Variants in ADGRB3 observed in about 807,000 individuals in gnomAD.
The protein encoded by ADGRB3 is adhesion G protein-coupled receptor B3.
ADGRB3 carries 37 observed loss-of-function variants against 193.4 expected under a neutral mutation model. That is an observed-to-expected ratio of 0.19 (90% CI 0.15 to 0.25). The LOEUF is 0.25. Among genes scored for constraint, ADGRB3 ranks in the 10% least tolerant of loss-of-function variants. The probability of loss-of-function intolerance (pLI) is 1.00; values close to 1 mark genes in which losing one functional copy is unlikely to be tolerated. For synonymous variants in ADGRB3, 690 were observed against 644.2 expected (o/e 1.07, Z -1.08); for missense variants, 1,637 against 1,852.9 (o/e 0.88, Z 2.14).
intron 17 of ADGRB3, among the ~76,000 whole-genome samples, chr6:69,221,457 C>T (rs1765891884): frequency 6.6e-6 from 1 of 152,134 alleles, no homozygotes; most frequent in Non-Finnish European, 1.5e-5. Flanking sequence ...AGTAGTCTGG[C>T]AAATGACTGG....
intron 3 of ADGRB3, among the ~76,000 whole-genome samples, chr6:68,710,485 G>C (rs1262596280): frequency 6.6e-6 from 1 of 152,086 alleles, no homozygotes; most frequent in African/African-American, 2.4e-5. Flanking sequence ...CTCTCTCCTG[G>C]CTGCAGATGT....
At chr6:68,662,322 G>A (rs1030715080) in intron 3 of ADGRB3, among the ~76,000 whole-genome samples, 3 of 151,474 alleles carry the variant, frequency 2.0e-5, no homozygotes, top group African/African-American at 7.3e-5. Context: ...TTAATTTTCA[G>A]AGGTAAATTT....
rs150395117 is a variant in ADGRB3 at position 68,923,505 on chromosome 6, T to C, written c.758-7054T>C. Among the ~76,000 whole-genome samples, 957 of 152,208 alleles carry C rather than the reference T, an allele frequency of 6.3e-3. 8 individuals are homozygous for C. Among genetic ancestry groups the C allele is most frequent in the Admixed American group, 0.027 (417 of 15,272 alleles). ...AAATCTTTAACCTTCAATTGTAGGG[T>C]AGCATTTATTTTGTGCTAATAATAT... is the stretch of plus-strand genomic sequence containing the variant. On this transcript the variant is annotated intron_variant, in intron 3 of 31. Transcript: ENST00000370598.
chr6:68,680,698 A>G (rs1190032676), intron 3 of ADGRB3, among the ~76,000 whole-genome samples: 2 of 152,220 alleles, frequency 1.3e-5, no homozygotes, highest in African/African-American at 4.8e-5. Flanking sequence ...TAGTTAGTTC[A>G]TTCTTCCTTT....
At chr6:68,727,193 C>A (rs1024418137) in intron 3 of ADGRB3, among the ~76,000 whole-genome samples, 1 of 151,436 alleles carries the variant, frequency 6.6e-6, no homozygotes, top group Non-Finnish European at 1.5e-5. Context: ...GCAAAGTTTT[C>A]AAAGTATTGA....
At chr6:69,227,597 A>T (rs991550544) in intron 17 of ADGRB3, among the ~76,000 whole-genome samples, 2 of 152,222 alleles carry the variant, frequency 1.3e-5, no homozygotes, top group Non-Finnish European at 2.9e-5. Context: ...ATTAGGCAGA[A>T]AACATATTAT....
intron 20 of ADGRB3, among the ~76,000 whole-genome samples, chr6:69,251,375 T>C (rs1025769967): frequency 1.1e-4 from 16 of 152,142 alleles, no homozygotes; most frequent in Non-Finnish European, 2.2e-4. Context: ...CCATTTTTTT[T>C]TTACAGCCAT....
chr6:68,756,496 TAGAAGC>T (rs2127349271), intron 3 of ADGRB3, among the ~76,000 whole-genome samples: 1 of 152,262 alleles, frequency 6.6e-6, no homozygotes, highest in African/African-American at 2.4e-5. Flanking sequence ...TAGTATGAAA[TAGAAGC>T]ATGGGCTTCT....
At position 68,724,232 on chromosome 6, in the gene ADGRB3, C is replaced by T. The variant is rs1012835643; in HGVS notation, c.757+84800C>T. 4.6e-5 allele frequency among the ~76,000 whole-genome samples: 7 copies of T among 151,734 alleles called. No individual in the cohort carries two copies. In the South Asian group the frequency reaches 1.5e-3, roughly 31 times the overall value. Reference sequence around the variant, plus strand: ...ACTTTCCAGGGTCATGTAGAGGTCACGTTATCACATTAGAAGTCCTTTTAG... The same window carrying T: ...ACTTTCCAGGGTCATGTAGAGGTCATGTTATCACATTAGAAGTCCTTTTAG... On this transcript the variant is annotated intron_variant, in intron 3 of 31. Coordinates refer to ENST00000370598, the MANE Select transcript of ADGRB3 (RefSeq NM_001704.3).
chr6:69,156,028 T>C (rs1287947698), intron 17 of ADGRB3, among the ~76,000 whole-genome samples: 1 of 152,160 alleles, frequency 6.6e-6, no homozygotes. Context: ...TTAATTTAGT[T>C]TTACATATGC....
intron 25 of ADGRB3, 149 bp downstream of exon 25, chr6:69,339,163 G>A (rs1768919326): frequency 9.3e-7 from 1 of 1,077,846 alleles, no homozygotes; most frequent in Non-Finnish European, 1.3e-6. Flanking sequence ...TATAGCTATT[G>A]TGGGATAGTA....
At chr6:69,307,313 C>T (rs990223250) in intron 20 of ADGRB3, among the ~76,000 whole-genome samples, 4 of 151,480 alleles carry the variant, frequency 2.6e-5, no homozygotes, top group Admixed American at 6.6e-5. Flanking sequence ...TTATGTATTT[C>T]AGAATCACAT....
At chr6:68,934,689 T>C (rs1381339278) in intron 4 of ADGRB3, among the ~76,000 whole-genome samples, 3 of 152,204 alleles carry the variant, frequency 2.0e-5, no homozygotes, top group African/African-American at 7.2e-5. Flanking sequence ...TTAAATTTTC[T>C]ATTGCTAAAT....
chr6:69,205,016 TC>T (rs2150359084), intron 17 of ADGRB3, among the ~76,000 whole-genome samples: 1 of 152,312 alleles, frequency 6.6e-6, no homozygotes, highest in Non-Finnish European at 1.5e-5. Context: ...TTAAAATTTT[TC>T]CTGTAATATG....
chr6:68,830,484 T>C (rs1767932084), intron 3 of ADGRB3, among the ~76,000 whole-genome samples: 1 of 152,188 alleles, frequency 6.6e-6, no homozygotes, highest in African/African-American at 2.4e-5. Flanking sequence ...GCAATAATGT[T>C]TTTTAGTTTA....
intron 17 of ADGRB3, among the ~76,000 whole-genome samples, chr6:69,136,998 G>T (rs1156510467): frequency 6.7e-6 from 1 of 149,806 alleles, no homozygotes; most frequent in African/African-American, 2.4e-5. Flanking sequence ...TTTTCCAATA[G>T]AAAATATCTT....
chr6:69,110,077 A>G (rs953978511), intron 17 of ADGRB3, among the ~76,000 whole-genome samples: 3 of 151,528 alleles, frequency 2.0e-5, no homozygotes, highest in African/African-American at 7.3e-5. Flanking sequence ...CACCCCGAGT[A>G]GCTGGGATTA....
chr6:69,348,766 T>C (rs1411536285), intron 26 of ADGRB3, among the ~76,000 whole-genome samples: 1 of 152,184 alleles, frequency 6.6e-6, no homozygotes, highest in Non-Finnish European at 1.5e-5. Flanking sequence ...TGCAATATTG[T>C]TAAACTAATA....
intron 3 of ADGRB3, among the ~76,000 whole-genome samples, chr6:68,912,998 G>A (rs538863871): frequency 2.0e-5 from 3 of 152,312 alleles, no homozygotes; most frequent in African/African-American, 7.2e-5. Context: ...AGGCGGCAGC[G>A]AGGCTGGGGG....
Sources: gnomAD v4.1 joint callset for allele counts (sites outside exome capture counted in the v4.1 genomes callset) on GRCh38, gnomAD v4.1.1 for gene constraint, MANE v1.5 for transcripts, NCBI Gene and HGNC (gene_info 2026-07-23, HGNC 2026-07-21) for gene names.